FAM98B: variants seen among roughly 807,000 people sequenced by gnomAD.
The protein encoded by FAM98B is tRNA splicing ligase complex subunit 3B.
Under a neutral mutation model 43.9 loss-of-function variants are expected in FAM98B, and 32 were observed. That is an observed-to-expected ratio of 0.73 (90% CI 0.55 to 0.98). The LOEUF (loss-of-function observed/expected upper bound fraction) is 0.98. Among genes scored for constraint, FAM98B ranks in the 50% least tolerant of loss-of-function variants. The pLI is 0.00. For synonymous variants in FAM98B, 190 were observed against 174.0 expected (o/e 1.09, Z -0.72); for missense variants, 514 against 522.9 (o/e 0.98, Z 0.17).
intron 1 of FAM98B, among the ~76,000 whole-genome samples, chr15:38,460,441 G>C (rs1210226883): frequency 6.6e-6 from 1 of 151,884 alleles, no homozygotes; most frequent in Non-Finnish European, 1.5e-5. Context: ...AAAAAAATAA[G>C]TACTATGCTG....
intron 6 of FAM98B, among the ~76,000 whole-genome samples, chr15:38,475,515 T>A (rs1890184390): frequency 6.6e-6 from 1 of 152,224 alleles, no homozygotes; most frequent in Non-Finnish European, 1.5e-5. Context: ...AAATGCCACC[T>A]GCATAGTTTA....
At chr15:38,462,122 A>T (rs1889958788) in intron 1 of FAM98B, among the ~76,000 whole-genome samples, 1 of 150,764 alleles carries the variant, frequency 6.6e-6, no homozygotes, top group Non-Finnish European at 1.5e-5. Context: ...TCTCTACTCT[A>T]TGTAAATGTA....
chr15:38,481,467 T>C lies in FAM98B; in HGVS notation c.897+8T>C, dbSNP rs941717054. The C allele has an allele frequency of 3.1e-6, 5 of 1,614,092 alleles. No homozygotes were observed. The African/African-American group carries it at 6.7e-5, about 22-fold the overall frequency. On this transcript the variant is annotated splice_region_variant and intron_variant, in intron 7 of 7. Transcript: ENST00000397609. ...GCATGTGCCATTAATAAGGTTGGTGTTTCTTTCAGTACAGTGGAAAATGAA... is the reference window on the plus strand; with the variant it reads ...GCATGTGCCATTAATAAGGTTGGTGCTTCTTTCAGTACAGTGGAAAATGAA...
chr15:38,456,507 G>A (rs1033329759), intron 1 of FAM98B, among the ~76,000 whole-genome samples: 4 of 152,214 alleles, frequency 2.6e-5, no homozygotes, highest in Admixed American at 2.6e-4. Context: ...TGAGGAGTCA[G>A]TGGTGAGCAA....
chr15:38,485,611 GCAGT>G lies in FAM98B; in HGVS notation c.*955_*958del, dbSNP rs1048150349. 11 of 152,192 alleles carry G rather than the reference GCAGT, an allele frequency of 7.2e-5. No homozygotes were observed. Among genetic ancestry groups the G allele is most frequent in the African/African-American group, 2.4e-4 (10 of 41,454 alleles). 9.4% of individuals were successfully genotyped at this position (152,192 alleles called of 1,614,324 possible). A position where few individuals can be genotyped will look rare whatever the true frequency, so the allele number is the denominator to read the frequency against. ...GGCTATATGTGATTTGCTAGTTGGA[GCAGT>G]CAAAGTCTTAGCTATCAAGAGTTGT... On this transcript the variant is annotated 3_prime_UTR_variant, in exon 8 of 8. Transcript: ENST00000397609.
At chr15:38,468,222 G>A (rs1157192570) in intron 3 of FAM98B, among the ~76,000 whole-genome samples, 1 of 152,116 alleles carries the variant, frequency 6.6e-6, no homozygotes, top group African/African-American at 2.4e-5. Flanking sequence ...CTGGCAATCT[G>A]TTTTAATCAA....
intron 3 of FAM98B, among the ~76,000 whole-genome samples, chr15:38,465,839 G>T (rs60291048): frequency 2.0e-5 from 3 of 150,642 alleles, no homozygotes; most frequent in Non-Finnish European, 4.4e-5. Flanking sequence ...TGCTTGTTTT[G>T]TTTTTTTTTA....
chr15:38,487,282 A>G lies in FAM98B; in HGVS notation c.*2623A>G, dbSNP rs1217281675. ...AAAAAGGAAAACATTTTAAATAAAAAACATCTTATTACCTGTATCTGTGAC... is the reference window on the plus strand; with the variant it reads ...AAAAAGGAAAACATTTTAAATAAAAGACATCTTATTACCTGTATCTGTGAC... On this transcript the variant is annotated 3_prime_UTR_variant, in exon 8 of 8. Transcript: ENST00000397609. The G allele has an allele frequency of 4.6e-5, 7 of 152,124 alleles. No individual in the cohort carries two copies. The highest frequency in any genetic ancestry group is 3.3e-4 in the Admixed American group (5 of 15,266). The allele number at this position is 152,124 out of a possible 1,614,324, so 9.4% of individuals were successfully genotyped here.
intron 1 of FAM98B, among the ~76,000 whole-genome samples, chr15:38,463,211 A>G (rs1348899875): frequency 6.6e-6 from 1 of 152,194 alleles, no homozygotes; most frequent in Non-Finnish European, 1.5e-5. Context: ...TTATAAATAA[A>G]TGAGGCCAGG....
In FAM98B at chr15:38,464,142, C is replaced by T. The variant is rs1261933922; in HGVS notation, c.182C>T (p.Ser61Leu). The change falls in exon 2 of 8, where the codon TCA becomes TTA. Residue 61 changes from serine to leucine, a missense_variant. Around this residue, in one of 2 missense-constraint regions of FAM98B, gnomAD observed 469 missense variants for 451.8 expected, o/e 1.04. Coordinates refer to ENST00000397609, the MANE Select transcript of FAM98B (RefSeq NM_173611.4). ...LCIWLGSQIK[S>L]LCNLEESITS... ...ATTTGGTTAGGCTCTCAAATAAAAT[C>T]ATTATGCAACTTGGAAGAAAGTATC... 6.2e-7 allele frequency: 1 copy of T among 1,612,972 alleles called. No homozygotes were observed. The highest frequency in any genetic ancestry group is 1.3e-5 in the African/African-American group (1 of 74,878).
At chr15:38,469,982 C>G (rs1156685144) in intron 3 of FAM98B, among the ~76,000 whole-genome samples, 1 of 151,920 alleles carries the variant, frequency 6.6e-6, no homozygotes, top group Non-Finnish European at 1.5e-5. Flanking sequence ...AATAGGGTGT[C>G]TATTTTATAT....
At chr15:38,473,928 G>T (rs1370078950) in intron 5 of FAM98B, among the ~76,000 whole-genome samples, 1 of 152,134 alleles carries the variant, frequency 6.6e-6, no homozygotes, top group African/African-American at 2.4e-5. Context: ...TAACAAATTT[G>T]ATTATAGATA....
intron 7 of FAM98B, chr15:38,482,817 A>G (rs1890303039): frequency 6.6e-6 from 1 of 152,212 alleles, no homozygotes; most frequent in African/African-American, 2.4e-5. Context: ...TCCTCTGCTC[A>G]TGGCATATAA....
intron 6 of FAM98B, among the ~76,000 whole-genome samples, chr15:38,478,196 T>C (rs62002950): frequency 0.011 from 1,741 of 152,344 alleles, 19 homozygotes; most frequent in Non-Finnish European, 0.019. Flanking sequence ...ACCCCTGAAC[T>C]GGACTTAAAT....
intron 3 of FAM98B, among the ~76,000 whole-genome samples, chr15:38,466,969 T>A (rs996230132): frequency 1.3e-5 from 2 of 152,194 alleles, no homozygotes; most frequent in African/African-American, 4.8e-5. Context: ...TTTCTCTTTA[T>A]TTCCCTATCA....
At chr15:38,476,703 C>CT (rs375386545) in intron 6 of FAM98B, among the ~76,000 whole-genome samples, 12,050 of 127,706 alleles carry the variant, frequency 0.094, 556 homozygotes, top group East Asian at 0.2. Flanking sequence ...AGAAACTTTG[C>CT]TTTTTTTTTT....
At chr15:38,469,212 A>ACCATAGTGAAGTAGTG (rs143810868) in intron 3 of FAM98B, among the ~76,000 whole-genome samples, 1 of 152,008 alleles carries the variant, frequency 6.6e-6, no homozygotes, top group Non-Finnish European at 1.5e-5. Flanking sequence ...AGCCAAAAAC[A>ACCATAGTGAAGTAGTG]AAGTCTTACC....
intron 3 of FAM98B, among the ~76,000 whole-genome samples, chr15:38,469,388 T>C (rs564068736): frequency 2.6e-5 from 4 of 152,378 alleles, no homozygotes; most frequent in Middle Eastern, 3.4e-3. Context: ...TATGTGCTTA[T>C]ATATCAGTTA....
intron 7 of FAM98B, chr15:38,483,684 A>AAT (rs71129356): frequency 1.1e-3 from 98 of 87,200 alleles, no homozygotes; most frequent in African/African-American, 2.7e-3. Context: ...AAAAAAAAAA[A>AAT]ATATATATAT....
Sources: gnomAD v4.1 joint callset for allele counts (sites outside exome capture counted in the v4.1 genomes callset) on GRCh38, gnomAD v4.1.1 for gene constraint, gnomAD v4.1.1 regional missense constraint, MANE v1.5 for transcripts, NCBI Gene and HGNC (gene_info 2026-07-23, HGNC 2026-07-21) for gene names.